The following GTF2F1 variants were observed in gnomAD, a reference collection of about 807,000 sequenced individuals.
GTF2F1 encodes the protein general transcription factor IIF subunit 1, also known as general transcription factor IIF 74 kDa subunit.
In GTF2F1, 39 loss-of-function variants were observed where a neutral mutation model predicts 63.5. That is an observed-to-expected ratio of 0.61 (90% CI 0.48 to 0.80). GTF2F1 has a LOEUF of 0.80. Ranked by LOEUF, GTF2F1 falls within the 30% of genes least tolerant of loss-of-function variation. GTF2F1 has a pLI of 0.00. For missense variants in GTF2F1, 657 were observed against 718.3 expected (o/e 0.91, Z 0.97); for synonymous variants, 287 against 285.3 (o/e 1.01, Z -0.06).
intron 2 of GTF2F1, 104 bp downstream of exon 2, chr19:6,392,753 G>T: frequency 8.7e-7 from 1 of 1,150,858 alleles, no homozygotes; most frequent in Non-Finnish European, 1.3e-6. Flanking sequence ...TCCCGGTCTG[G>T]AGGGAGAACC....
chr19:6,381,534 C>A lies in GTF2F1; in HGVS notation c.898+20G>T. On this transcript the variant is annotated intron_variant, in intron 8 of 12. Transcript: ENST00000394456. The surrounding 1 kb of genome is among the most constrained non-coding windows in gnomAD (Gnocchi z 4.1). Reference sequence around the variant, plus strand: ...GGAAGCACCGCCCCCATCTCCCCGGCCCGCCCAGCCATCGCCTACCCTTGG... The same window carrying A: ...GGAAGCACCGCCCCCATCTCCCCGGACCGCCCAGCCATCGCCTACCCTTGG... 6.2e-7 allele frequency: 1 copy of A among 1,611,536 alleles called. No individual in the cohort carries two copies. The highest frequency in any genetic ancestry group is 2.2e-5 in the East Asian group (1 of 44,888).
At chr19:6,392,831 A>T (rs775692266) in intron 2 of GTF2F1, 26 bp downstream of exon 2, 3 of 1,604,128 alleles carry the variant, frequency 1.9e-6, no homozygotes, top group Non-Finnish European at 2.6e-6. Flanking sequence ...GGTGGAGAGG[A>T]GTGGGAGATG....
chr19:6,386,249 T>C (rs938032373), intron 5 of GTF2F1, among the ~76,000 whole-genome samples: 1 of 151,070 alleles, frequency 6.6e-6, no homozygotes, highest in Non-Finnish European at 1.5e-5. Context: ...CCAGGCGTGG[T>C]GGTGCATGCC....
rs775523640 is a variant in GTF2F1, at chr19:6,387,492, C to T, written c.394G>A (p.Asp132Asn). Residue 132 changes from aspartate to asparagine, a missense_variant, in exon 5 of 13, where the codon GAC becomes AAC. Physicochemically the swap from Asp to Asn is conservative, Grantham distance 23. This residue lies in a region of GTF2F1 where 602 missense variants were observed against 625.6 expected (regional missense o/e 0.96). Transcript: ENST00000394456. ...TSYYIFTQCP[D>N]GAFEAFPVHN... ...ACGGGGAAGGCCTCGAAGGCCCCGT[C>T]GGGGCACTGGGTGAAGATGTAGTAG... 43 of 1,614,072 alleles carry T rather than the reference C, an allele frequency of 2.7e-5. No individual in the cohort carries two copies. The highest frequency in any genetic ancestry group is 3.3e-5 in the Non-Finnish European group (39 of 1,179,994).
At position 6,381,975 on chromosome 19, in the gene GTF2F1, A is replaced by C. The variant is rs117884284; in HGVS notation, c.683-125T>G. The C allele has an allele frequency of 0.07, 53,311 of 761,856 alleles. 2,382 individuals carry two copies. The highest frequency in any genetic ancestry group is 0.089 in the Non-Finnish European group (42,418 of 474,714). 47.2% of individuals were successfully genotyped at this position (761,856 alleles called of 1,614,324 possible). A position where few individuals can be genotyped will look rare whatever the true frequency, so the allele number is the denominator to read the frequency against. ...GGGCCTCACTGACTGGGGAGACTAC[A>C]CCTCCAGGGCCAGCCCAGGAGCTCA... On this transcript the variant is annotated intron_variant, in intron 6 of 12. Coordinates refer to ENST00000394456, the MANE Select transcript of GTF2F1 (RefSeq NM_002096.3). The surrounding 1 kb of genome is among the most constrained non-coding windows in gnomAD (Gnocchi z 4.1).
chr19:6,383,216 T>C lies in GTF2F1; in HGVS notation c.682+95A>G. ...TGTGCCCGGCCCCACTTGCCTCTCA[T>C]TCTAGGGCCACTGTGAGCGATGGTA... On this transcript the variant is annotated intron_variant, in intron 6 of 12. Transcript: ENST00000394456. This position sits in a 1 kb window ranked among gnomAD's most constrained non-coding sequence, Gnocchi z 4.5. 7.4e-7 allele frequency: 1 copy of C among 1,351,752 alleles called. No individual in the cohort carries two copies. The highest frequency in any genetic ancestry group is 1.3e-5 in the South Asian group (1 of 78,632). The allele number at this position is 1,351,752 out of a possible 1,614,324, so 83.7% of individuals were successfully genotyped here.
chr19:6,386,971 T>C, intron 5 of GTF2F1: 1 of 207,284 alleles, frequency 4.8e-6, no homozygotes, highest in Non-Finnish European at 9.8e-6. Context: ...TGCACTGGCC[T>C]CATGCACTGT....
intron 4 of GTF2F1, 89 bp from the exon 5 acceptor site, chr19:6,387,648 T>C: frequency 1.0e-6 from 1 of 997,264 alleles, no homozygotes; most frequent in Non-Finnish European, 1.5e-6. Flanking sequence ...TTATGGCACT[T>C]GCCATAGGAG....
chr19:6,381,704 C>T lies in GTF2F1; in HGVS notation c.829G>A (p.Gly277Ser), dbSNP rs761992387. 22 of 1,614,076 alleles carry T rather than the reference C, an allele frequency of 1.4e-5. No individual in the cohort carries two copies. Among genetic ancestry groups the T allele is most frequent in the East Asian group, 2.2e-5 (1 of 44,884 alleles). Residue 277 changes from glycine (G) to serine (S), a missense_variant, in exon 7 of 13, where the codon GGC becomes AGC. Gly to Ser is a moderately conservative substitution (Grantham distance 56). Around this residue, in one of 2 missense-constraint regions of GTF2F1, gnomAD observed 602 missense variants for 625.6 expected, o/e 0.96. Coordinates refer to ENST00000394456, the MANE Select transcript of GTF2F1 (RefSeq NM_002096.3). The surrounding 1 kb of genome is among the most constrained non-coding windows in gnomAD (Gnocchi z 4.1). ...EGQEVDYMSD[G>S]SSSSQEEPES... ...GCCTCCCGTCGGCCTCACCTGGAGCCGTCTGACATGTAGTCCACCTCTTGG... is the reference window on the plus strand; with the variant it reads ...GCCTCCCGTCGGCCTCACCTGGAGCTGTCTGACATGTAGTCCACCTCTTGG...
intron 3 of GTF2F1, chr19:6,390,432 A>T (rs2145083085): frequency 6.8e-6 from 1 of 146,684 alleles, no homozygotes; most frequent in African/African-American, 2.5e-5. Flanking sequence ...CTATAATCCC[A>T]GCTACTTGGG....
rs546488284 is a variant in GTF2F1 at position 6,381,268 on chromosome 19, G to A, written c.1019-73C>T. The A allele has an allele frequency of 1.6e-4, 243 of 1,555,892 alleles. No individual in the cohort carries two copies. The highest frequency in any genetic ancestry group is 2.0e-4 in the Non-Finnish European group (230 of 1,150,196). ...GGTGCCCACTGGTGCCTCCACTGCAGATGAGGGAGGCCTGCAGGGGAGAGG... is the reference window on the plus strand; with the variant it reads ...GGTGCCCACTGGTGCCTCCACTGCAAATGAGGGAGGCCTGCAGGGGAGAGG... On this transcript the variant is annotated intron_variant, in intron 9 of 12. Transcript: ENST00000394456. This position sits in a 1 kb window ranked among gnomAD's most constrained non-coding sequence, Gnocchi z 4.1.
chr19:6,380,526 G>C lies in GTF2F1; in HGVS notation c.1350-41C>G, dbSNP rs749978997. On this transcript the variant is annotated intron_variant, in intron 12 of 12. Transcript: ENST00000394456. The surrounding 1 kb of genome is among the most constrained non-coding windows in gnomAD (Gnocchi z 5.3). ...CGGGGAAGGTGGCATCAGTGAGATT[G>C]TCCCCAGTAGCCCTTGCCCTGCCCC... 1.2e-6 allele frequency: 2 copies of C among 1,611,618 alleles called. No individual in the cohort carries two copies. Among genetic ancestry groups the C allele is most frequent in the South Asian group, 2.2e-5 (2 of 91,028 alleles).
chr19:6,385,947 G>C (rs1332624654), intron 5 of GTF2F1, among the ~76,000 whole-genome samples: 2 of 152,060 alleles, frequency 1.3e-5, no homozygotes, highest in African/African-American at 4.8e-5. Flanking sequence ...ATGGTGGCAG[G>C]CGCCTGTAGT....
intron 3 of GTF2F1, among the ~76,000 whole-genome samples, chr19:6,390,669 C>G (rs1418244221): frequency 6.6e-6 from 1 of 151,070 alleles, no homozygotes; most frequent in Non-Finnish European, 1.5e-5. Context: ...CACTTGAGGT[C>G]AGGAGTTCAA....
intron 2 of GTF2F1, 30 bp from the exon 3 acceptor site, chr19:6,392,004 T>G (rs754960671): frequency 9.0e-7 from 1 of 1,110,852 alleles, no homozygotes; most frequent in South Asian, 1.3e-5. Context: ...GTAGTGTCAA[T>G]CCAATACAGC....
Position 6,381,680 on chromosome 19 carries a change from C to T in GTF2F1, c.836+17G>A. ...GAGGCTGCATGGGGTCTCGCAGGCG[C>T]CTCCCGTCGGCCTCACCTGGAGCCG... is the stretch of plus-strand genomic sequence containing the variant. On this transcript the variant is annotated intron_variant, in intron 7 of 12. Transcript: ENST00000394456. This position sits in a 1 kb window ranked among gnomAD's most constrained non-coding sequence, Gnocchi z 4.1. 3 of 1,614,168 alleles carry T rather than the reference C, an allele frequency of 1.9e-6. No individual in the cohort carries two copies. Among genetic ancestry groups the T allele is most frequent in the Non-Finnish European group, 2.5e-6 (3 of 1,180,042 alleles).
Position 6,381,833 on chromosome 19 carries a change from C to A in GTF2F1, c.700G>T (p.Ala234Ser). The A allele has an allele frequency of 6.2e-7, 1 of 1,612,916 alleles. No homozygotes were observed. Among genetic ancestry groups the A allele is most frequent in the South Asian group, 1.1e-5 (1 of 91,062 alleles). The change falls in exon 7 of 13, where the codon GCC becomes TCC. Residue 234 changes from alanine (A) to serine (S), a missense_variant. This residue lies in a region of GTF2F1 where 602 missense variants were observed against 625.6 expected (regional missense o/e 0.96). Transcript: ENST00000394456. This position sits in a 1 kb window ranked among gnomAD's most constrained non-coding sequence, Gnocchi z 4.1. ...SGEEGGRVPKAKKKAPLAKGG... is the reference protein window; with the variant it reads ...SGEEGGRVPKSKKKAPLAKGG... ...TTGGCCAGCGGCGCCTTCTTCTTGGCCTTGGGGACTCTGCCCCCTGGGAAG... is the reference window on the plus strand; with the variant it reads ...TTGGCCAGCGGCGCCTTCTTCTTGGACTTGGGGACTCTGCCCCCTGGGAAG...
chr19:6,391,764 A>G (rs1378380409), intron 3 of GTF2F1, 138 bp downstream of exon 3: 2 of 596,238 alleles, frequency 3.4e-6, no homozygotes, highest in Non-Finnish European at 6.0e-6. Context: ...TTTGTCATCT[A>G]TCTTTTCTTC....
Position 6,381,414 on chromosome 19 carries a change from C to T in GTF2F1, c.963G>A (p.Lys321=), listed in dbSNP as rs2091949800. ...GTGCCTTCTTCTCCTCCTCCTCCTC[C>T]TTGTCCTCCTCAGGCGGCTTCTCCT... is the stretch of plus-strand genomic sequence containing the variant. ...SEEEKPPEED[K]EEEEEKKAPT... The change falls in exon 9 of 13, where the codon AAG becomes AAA. Residue 321 remains lysine, a synonymous_variant. Transcript: ENST00000394456. The surrounding 1 kb of genome is among the most constrained non-coding windows in gnomAD (Gnocchi z 4.1). 6.2e-7 allele frequency: 1 copy of T among 1,610,842 alleles called. No homozygotes were observed.
Sources: allele counts gnomAD v4.1 joint callset (sites outside exome capture counted in the v4.1 genomes callset), GRCh38; gene constraint gnomAD v4.1.1; regional missense constraint gnomAD v4.1.1; non-coding constraint Gnocchi (gnomAD v3.1); transcripts MANE v1.5; gene names NCBI Gene and HGNC (gene_info 2026-07-23, HGNC 2026-07-21).